COL21A1: variants seen among roughly 807,000 people sequenced by gnomAD.
The protein encoded by COL21A1 is collagen alpha-1(XXI) chain.
In COL21A1, 149 loss-of-function variants were observed where a neutral mutation model predicts 137.9. That is an observed-to-expected ratio of 1.08 (90% CI 0.95 to 1.24). COL21A1 has a LOEUF of 1.24. COL21A1 is among the 50% of genes most tolerant of loss of function. COL21A1 has a pLI of 0.00. For synonymous variants in COL21A1, 456 were observed against 391.5 expected (o/e 1.16, Z -1.95); for missense variants, 1,167 against 1,158.4 (o/e 1.01, Z -0.11).
At position 56,057,677 on chromosome 6, in the gene COL21A1, T is replaced by G. The variant is rs1409656367; in HGVS notation, c.2854A>C (p.Arg952=). ...AGACACTAATAGTTTGGTCCTTTTCTGAACGGATCTCTTCTGGCAATTACA... is the reference window on the plus strand; with the variant it reads ...AGACACTAATAGTTTGGTCCTTTTCGGAACGGATCTCTTCTGGCAATTACA... ...FSVIARRDPF[R]KGPNY Residue 952 remains arginine (R), a synonymous_variant, in exon 30 of 30, where the codon AGA becomes CGA. Transcript: ENST00000244728. 6.2e-7 allele frequency: 1 copy of G among 1,613,116 alleles called. No homozygotes were observed. Among genetic ancestry groups the G allele is most frequent in the African/African-American group, 1.3e-5 (1 of 74,900 alleles).
At chr6:56,215,674 G>A (rs961888765) in intron 1 of COL21A1, among the ~76,000 whole-genome samples, 4 of 152,006 alleles carry the variant, frequency 2.6e-5, no homozygotes, top group African/African-American at 9.7e-5. Flanking sequence ...TAAGTAAAAT[G>A]CTAAGTAAAA....
upstream of COL21A1, among the ~76,000 whole-genome samples, chr6:56,249,953 G>A (rs1233602409): frequency 6.6e-6 from 1 of 152,182 alleles, no homozygotes; most frequent in Non-Finnish European, 1.5e-5. Context: ...GGTCAATAAA[G>A]ATGTTATTAA....
At chr6:56,123,938 A>G in intron 16 of COL21A1, 124 bp downstream of exon 16, 2 of 776,540 alleles carry the variant, frequency 2.6e-6, no homozygotes, top group Non-Finnish European at 2.0e-6. Context: ...AAAACCTTTT[A>G]GCTCATGAAT....
rs534390950 is a variant in COL21A1 at position 56,261,763 on chromosome 6, G to A, written c.-38-79107C>T. 6.6e-5 allele frequency among the ~76,000 whole-genome samples: 10 copies of A among 152,270 alleles called. No individual in the cohort carries two copies. The South Asian group carries it at 2.1e-3, about 32-fold the overall frequency. ...ATTATGGTGGGCTTAAATCAACAAG[G>A]GATTATTTCTTGTTCTCACTACACA... On this transcript the variant is annotated intron_variant, in intron 1 of 28. Coordinates refer to the COL21A1 transcript ENST00000370819.
At chr6:56,260,637 A>AAGAAGAAAGAAAGAGAGAGAG in intron 1 of COL21A1, among the ~76,000 whole-genome samples, 1 of 35,810 alleles carries the variant, frequency 2.8e-5, no homozygotes, top group African/African-American at 1.1e-4. Flanking sequence ...GGAAGGAAGG[A>AAGAAGAAAGAAAGAGAGAGAG]AGGAAGGAAG....
At chr6:56,172,117 A>G (rs1424104344) in intron 3 of COL21A1, among the ~76,000 whole-genome samples, 1 of 152,008 alleles carries the variant, frequency 6.6e-6, no homozygotes, top group Non-Finnish European at 1.5e-5. Flanking sequence ...GCTTATTTAA[A>G]GAGATGAGGC....
chr6:56,094,098 A>G (rs1769109765), intron 17 of COL21A1, among the ~76,000 whole-genome samples: 2 of 152,084 alleles, frequency 1.3e-5, no homozygotes, highest in African/African-American at 4.8e-5. Context: ...TTTGCTTAAC[A>G]GTTCTTTCCT....
At chr6:56,205,319 C>G (rs571141931) in intron 1 of COL21A1, among the ~76,000 whole-genome samples, 2 of 152,044 alleles carry the variant, frequency 1.3e-5, no homozygotes, top group Non-Finnish European at 2.9e-5. Context: ...AAACACAGGA[C>G]GAGAACTTCG....
At chr6:56,131,401 A>G (rs547825465) in intron 12 of COL21A1, among the ~76,000 whole-genome samples, 1 of 151,840 alleles carries the variant, frequency 6.6e-6, no homozygotes, top group East Asian at 1.9e-4. Flanking sequence ...AGTAGTAATT[A>G]AAAGAAATAG....
intron 1 of COL21A1, among the ~76,000 whole-genome samples, chr6:56,216,433 C>T (rs1358173046): frequency 1.3e-5 from 2 of 152,062 alleles, no homozygotes; most frequent in South Asian, 4.1e-4. Context: ...TCTGCTCACA[C>T]ACGCCTAACT....
At chr6:56,331,865 G>A (rs183133108) in intron 1 of COL21A1, 1 of 147,774 alleles carries the variant, frequency 6.8e-6, no homozygotes, top group Admixed American at 7.3e-5. Flanking sequence ...GCAAAACAAT[G>A]TTTTAAGAAT....
intron 12 of COL21A1, among the ~76,000 whole-genome samples, chr6:56,129,594 C>T (rs766865905): frequency 1.3e-5 from 2 of 151,654 alleles, no homozygotes; most frequent in Non-Finnish European, 2.9e-5. Flanking sequence ...TTAGCTTATA[C>T]TAAATGTCTT....
intron 1 of COL21A1, among the ~76,000 whole-genome samples, chr6:56,262,144 C>T (rs12525967): frequency 0.24 from 36,958 of 152,096 alleles, 5,823 homozygotes; most frequent in East Asian, 0.67. Context: ...AATATGTTTC[C>T]TTTGCCTGAC....
intron 1 of COL21A1, among the ~76,000 whole-genome samples, chr6:56,349,836 C>G (rs1765672424): frequency 6.6e-6 from 1 of 152,178 alleles, no homozygotes; most frequent in African/African-American, 2.4e-5. Flanking sequence ...CAAGTTGCCA[C>G]TACTGGGAGT....
chr6:56,372,124 T>C (rs1244108730), intron 1 of COL21A1, among the ~76,000 whole-genome samples: 3 of 152,174 alleles, frequency 2.0e-5, no homozygotes, highest in African/African-American at 7.2e-5. Flanking sequence ...GCCAGAGATA[T>C]GCCAACTCCT....
intron 1 of COL21A1, among the ~76,000 whole-genome samples, chr6:56,373,773 T>C (rs2093994245): frequency 6.6e-6 from 1 of 152,234 alleles, no homozygotes; most frequent in South Asian, 2.1e-4. Flanking sequence ...TCTACTGTCT[T>C]AGCAATTTTC....
chr6:56,067,874 G>T (rs1562144060), intron 22 of COL21A1, among the ~76,000 whole-genome samples: 1 of 151,590 alleles, frequency 6.6e-6, no homozygotes, highest in African/African-American at 2.4e-5. Flanking sequence ...CTTATACAAT[G>T]CCCTTGTTTT....
At chr6:56,098,331 A>G (rs1769832238) in intron 17 of COL21A1, among the ~76,000 whole-genome samples, 1 of 64,782 alleles carries the variant, frequency 1.5e-5, no homozygotes, top group African/African-American at 7.0e-5. Flanking sequence ...ATAAATATAT[A>G]AACACATATG....
In COL21A1 at chr6:56,305,250, T is replaced by C. The variant is rs557567184; in HGVS notation, c.-39+88721A>G. Among the ~76,000 whole-genome samples, 12 of 152,256 alleles carry C rather than the reference T, an allele frequency of 7.9e-5. No homozygotes were observed. The South Asian group carries it at 8.3e-4, about 11-fold the overall frequency. Reference sequence around the variant, plus strand: ...GAGTTCTGTAGATGTCTATTAGGTCTGCTTGGTGTAGAGCTGAGTTCAATT... The same window carrying C: ...GAGTTCTGTAGATGTCTATTAGGTCCGCTTGGTGTAGAGCTGAGTTCAATT... On this transcript the variant is annotated intron_variant, in intron 1 of 28. Coordinates refer to the COL21A1 transcript ENST00000370819.
Sources: allele counts gnomAD v4.1 joint callset (sites outside exome capture counted in the v4.1 genomes callset), GRCh38; gene constraint gnomAD v4.1.1; transcripts MANE v1.5; gene names NCBI Gene and HGNC (gene_info 2026-07-23, HGNC 2026-07-21).